Variants in PLCB1 observed in about 807,000 individuals in gnomAD.
PLCB1 encodes the protein phospholipase C beta 1, also known as 1-phosphatidylinositol 4,5-bisphosphate phosphodiesterase beta-1.
PLCB1 carries 46 observed loss-of-function variants against 161.8 expected under a neutral mutation model. The observed-to-expected ratio is 0.28, with a 90% CI of 0.22 to 0.36. PLCB1 has a LOEUF of 0.36. Among genes scored for constraint, PLCB1 ranks in the 10% least tolerant of loss-of-function variants. The pLI, the probability that PLCB1 is intolerant of heterozygous loss-of-function variation, is 1.00. For synonymous variants in PLCB1, 517 were observed against 503.7 expected (o/e 1.03, Z -0.35); for missense variants, 1,016 against 1,472.5 (o/e 0.69, Z 5.07).
intron 2 of PLCB1, among the ~76,000 whole-genome samples, chr20:8,306,834 G>C (rs1439828730): frequency 6.6e-6 from 1 of 152,158 alleles, no homozygotes; most frequent in East Asian, 1.9e-4. Flanking sequence ...ACCATGAAAT[G>C]TTACCATCAG....
chr20:8,436,947 A>G (rs1416906940), intron 3 of PLCB1, among the ~76,000 whole-genome samples: 1 of 152,008 alleles, frequency 6.6e-6, no homozygotes, highest in East Asian at 1.9e-4. Context: ...GTGCCACCAC[A>G]CCCAGCTAAT....
At chr20:8,627,425 C>T (rs1333547117) in intron 3 of PLCB1, among the ~76,000 whole-genome samples, 2 of 152,024 alleles carry the variant, frequency 1.3e-5, no homozygotes, top group South Asian at 2.1e-4. Context: ...GACCTGTTGG[C>T]CCAGTATTTA....
chr20:8,526,111 A>G (rs984546393), intron 3 of PLCB1, among the ~76,000 whole-genome samples: 1 of 152,092 alleles, frequency 6.6e-6, no homozygotes, highest in Non-Finnish European at 1.5e-5. Context: ...GAGTATGTTA[A>G]TTTTGTGAAA....
intron 2 of PLCB1, among the ~76,000 whole-genome samples, chr20:8,369,585 A>G (rs1220037136): frequency 6.6e-6 from 1 of 152,190 alleles, no homozygotes; most frequent in African/African-American, 2.4e-5. Context: ...GGTAACCTCC[A>G]ATATTGTGGA....
intron 2 of PLCB1, among the ~76,000 whole-genome samples, chr20:8,330,530 C>T (rs534328868): frequency 6.6e-5 from 10 of 152,258 alleles, no homozygotes; most frequent in South Asian, 2.1e-4. Context: ...TTGCATCAGA[C>T]GAGTGTTCAT....
Position 8,653,949 on chromosome 20 carries a change from G to C in PLCB1, c.595-3235G>C, listed in dbSNP as rs143150684. The stretch of plus-strand genomic sequence containing the variant: ...GTAATAATGCCAACTGCATAGAGTT[G>C]ATGGGATTACATGAAAATATTCAAG... On this transcript the variant is annotated intron_variant, in intron 7 of 31. Coordinates refer to ENST00000338037, the MANE Select transcript of PLCB1 (RefSeq NM_015192.4). Among the ~76,000 whole-genome samples the C allele has an allele frequency of 6.6e-4, 100 of 152,120 alleles. No individual in the cohort carries two copies. In the South Asian group the frequency reaches 1.0e-2, roughly 15 times the overall value.
At chr20:8,559,017 T>G (rs1161573720) in intron 3 of PLCB1, among the ~76,000 whole-genome samples, 1 of 151,894 alleles carries the variant, frequency 6.6e-6, no homozygotes, top group Non-Finnish European at 1.5e-5. Flanking sequence ...AACACACTAC[T>G]AAAAGTAAAT....
chr20:8,741,363 T>G, intron 22 of PLCB1, 101 bp from the exon 23 acceptor site: 1 of 732,872 alleles, frequency 1.4e-6, no homozygotes, highest in Non-Finnish European at 2.4e-6. Flanking sequence ...GGGTGATGAA[T>G]GAATGCATGG....
At position 8,647,124 on chromosome 20, in the gene PLCB1, T is replaced by C. The variant is rs186960810; in HGVS notation, c.465-776T>C. On this transcript the variant is annotated intron_variant, in intron 5 of 31. Transcript: ENST00000338037. ...CTGAGTTTGTTAACTTAAGGACTCT[T>C]CCTTCATGCCTCCACCTCTTCCCTT... is the stretch of plus-strand genomic sequence containing the variant. 2.9e-4 allele frequency among the ~76,000 whole-genome samples: 44 copies of C among 152,312 alleles called. No individual in the cohort carries two copies. In the East Asian group the frequency reaches 8.5e-3, roughly 29 times the overall value.
At chr20:8,269,139 G>T (rs1340685575) in intron 2 of PLCB1, among the ~76,000 whole-genome samples, 1 of 152,002 alleles carries the variant, frequency 6.6e-6, no homozygotes, top group Non-Finnish European at 1.5e-5. Context: ...GAATGTGCAG[G>T]TTTGTTACAT....
chr20:8,590,055 G>A (rs1439862427), intron 3 of PLCB1, among the ~76,000 whole-genome samples: 1 of 152,040 alleles, frequency 6.6e-6, no homozygotes, highest in Non-Finnish European at 1.5e-5. Context: ...TTTCGGGTGG[G>A]GACATAAACA....
chr20:8,792,648 T>C lies in PLCB1; in HGVS notation c.3423+2387T>C, dbSNP rs6056119. On this transcript the variant is annotated intron_variant, in intron 31 of 31. Coordinates refer to ENST00000338037, the MANE Select transcript of PLCB1 (RefSeq NM_015192.4). ...AGGTTGCTCCATGACCATCTTTTTG[T>C]GTCTGGATTTGAAGGTTGCCCATGA... 437,755 of 470,978 alleles carry C rather than the reference T, an allele frequency of 0.93. 205,020 individuals are homozygous for C. The highest frequency in any genetic ancestry group is 1 in the East Asian group (14,380 of 14,398). The allele number at this position is 470,978 out of a possible 1,614,324, so 29.2% of individuals were successfully genotyped here.
chr20:8,552,687 T>C (rs2039600999), intron 3 of PLCB1, among the ~76,000 whole-genome samples: 1 of 152,090 alleles, frequency 6.6e-6, no homozygotes, highest in Admixed American at 6.6e-5. Context: ...CACACATACA[T>C]ACACACACAG....
chr20:8,250,835 C>A (rs1981102546), intron 2 of PLCB1, among the ~76,000 whole-genome samples: 1 of 151,970 alleles, frequency 6.6e-6, no homozygotes, highest in Non-Finnish European at 1.5e-5. Flanking sequence ...AGGGACTTTG[C>A]TAGCTGCTGT....
At chr20:8,356,694 C>T (rs1986372615) in intron 2 of PLCB1, among the ~76,000 whole-genome samples, 1 of 151,962 alleles carries the variant, frequency 6.6e-6, no homozygotes, top group Non-Finnish European at 1.5e-5. Flanking sequence ...TTTGACTGAC[C>T]CACATAGAGC....
At chr20:8,212,419 C>T (rs6039096) in intron 2 of PLCB1, among the ~76,000 whole-genome samples, 4,625 of 152,074 alleles carry the variant, frequency 0.03, 244 homozygotes, top group African/African-American at 0.1. Context: ...CAAGAAAATA[C>T]GGTGGGTGAA....
At chr20:8,578,976 G>A (rs1175881951) in intron 3 of PLCB1, among the ~76,000 whole-genome samples, 1 of 152,178 alleles carries the variant, frequency 6.6e-6, no homozygotes, top group Non-Finnish European at 1.5e-5. Context: ...GGATTCTCAA[G>A]CATTATAACA....
chr20:8,546,704 T>C (rs989211253), intron 3 of PLCB1, among the ~76,000 whole-genome samples: 7 of 152,104 alleles, frequency 4.6e-5, no homozygotes, highest in Non-Finnish European at 1.0e-4. Context: ...GATGATATTA[T>C]AGTAAACACC....
chr20:8,291,342 A>T (rs1983374368), intron 2 of PLCB1, among the ~76,000 whole-genome samples: 1 of 152,088 alleles, frequency 6.6e-6, no homozygotes, highest in Non-Finnish European at 1.5e-5. Flanking sequence ...CCCACCTGTG[A>T]GCCTTATTCC....
Sources: allele counts gnomAD v4.1 joint callset (sites outside exome capture counted in the v4.1 genomes callset), GRCh38; gene constraint gnomAD v4.1.1; transcripts MANE v1.5; gene names NCBI Gene and HGNC (gene_info 2026-07-23, HGNC 2026-07-21).